Variants in DST observed in about 807,000 individuals in gnomAD.
DST encodes the protein dystonin.
Under a neutral mutation model 875.2 loss-of-function variants are expected in DST, and 253 were observed. That is an observed-to-expected ratio of 0.29 (90% CI 0.26 to 0.32). The LOEUF (loss-of-function observed/expected upper bound fraction) is 0.32, where lower values mean the gene tolerates loss of function less well. DST is among the 10% of genes least tolerant of loss of function. The probability of loss-of-function intolerance (pLI) is 1.00; values close to 1 mark genes in which losing one functional copy is unlikely to be tolerated. For synonymous variants in DST, 3,124 were observed against 3,197.1 expected (o/e 0.98, Z 0.77); for missense variants, 8,287 against 9,111.6 (o/e 0.91, Z 3.68).
chr6:56,794,377 T>C (rs1214368674), intron 4 of DST, among the ~76,000 whole-genome samples: 2 of 152,206 alleles, frequency 1.3e-5, no homozygotes, highest in Non-Finnish European at 2.9e-5. Context: ...AGTAATGGAA[T>C]CTGTGTTTAG....
chr6:56,801,747 A>AT lies in DST; in HGVS notation c.625+49649dup, dbSNP rs200681543. Reference sequence around the variant, plus strand: ...TCTTACTAATACAAGTCACACAATAATTTTTTTTTTTTTTTTTTTTGAGAT... The same window carrying AT: ...TCTTACTAATACAAGTCACACAATAATTTTTTTTTTTTTTTTTTTTTGAGAT... On this transcript the variant is annotated intron_variant, in intron 4 of 103. Transcript: ENST00000680361. Among the ~76,000 whole-genome samples the AT allele has an allele frequency of 5.9e-3, 779 of 132,366 alleles. 6 individuals carry two copies. The highest frequency in any genetic ancestry group is 9.3e-3 in the East Asian group (45 of 4,830). The allele number at this position is 132,366 out of a possible 152,430, so 86.8% of individuals were successfully genotyped here.
intron 4 of DST, among the ~76,000 whole-genome samples, chr6:56,774,255 T>TA (rs2099673420): frequency 1.3e-5 from 2 of 152,068 alleles, no homozygotes; most frequent in African/African-American, 2.4e-5. Flanking sequence ...GACCCAAACT[T>TA]ACCTCTCCAG....
chr6:56,926,155 A>G (rs1316765504), intron 2 of DST, among the ~76,000 whole-genome samples: 1 of 151,704 alleles, frequency 6.6e-6, no homozygotes, highest in Non-Finnish European at 1.5e-5. Context: ...AAACCTTTTT[A>G]GCATCTGGAA....
chr6:56,680,518 G>A (rs1317363920), intron 9 of DST, among the ~76,000 whole-genome samples: 2 of 152,142 alleles, frequency 1.3e-5, no homozygotes, highest in African/African-American at 4.8e-5. Context: ...AGAGCTCAAG[G>A]GTTGTTTTCC....
intron 4 of DST, among the ~76,000 whole-genome samples, chr6:56,751,571 TTAAA>T (rs2099587315): frequency 6.6e-6 from 1 of 152,134 alleles, no homozygotes; most frequent in Admixed American, 6.6e-5. Flanking sequence ...ACATACAGGG[TTAAA>T]GCTGCAATCC....
chr6:56,531,228 C>G (rs2096891034), intron 64 of DST, among the ~76,000 whole-genome samples: 1 of 152,188 alleles, frequency 6.6e-6, no homozygotes, highest in African/African-American at 2.4e-5. Flanking sequence ...ATTTCACTTA[C>G]TATGATTTAA....
chr6:56,666,780 C>T (rs569557118), intron 10 of DST, among the ~76,000 whole-genome samples: 1 of 148,996 alleles, frequency 6.7e-6, no homozygotes, highest in African/African-American at 2.5e-5. Context: ...CTGTCACCTA[C>T]CCTGGGGTGC....
rs111657428 is a variant in DST at position 56,607,507 on chromosome 6, C to T, written c.7121G>A (p.Arg2374Gln). The T allele has an allele frequency of 4.4e-6, 7 of 1,598,298 alleles. No individual in the cohort carries two copies. Among genetic ancestry groups the T allele is most frequent in the African/African-American group, 2.7e-5 (2 of 74,616 alleles). Residue 2374 changes from arginine (R) to glutamine (Q), a missense_variant, in exon 40 of 104, where the codon CGA (arginine) becomes CAA (glutamine). Arg to Gln is a conservative substitution (Grantham distance 43, BLOSUM62 1). Around this residue, in one of 10 missense-constraint regions of DST, gnomAD observed 3,138 missense variants for 3,116.6 expected, o/e 1.01. Transcript: ENST00000680361. ...NILTNYENQS[R>Q]VETNERANEC... is the part of the protein sequence containing the mutation. ...ATTTGCACGTTCATTTGTTTCCACT[C>T]GGCTTTGATTTTCATAGTTTGTAAG... is the stretch of plus-strand genomic sequence containing the variant.
At chr6:56,904,598 A>G (rs1795527315) in intron 2 of DST, among the ~76,000 whole-genome samples, 3 of 152,194 alleles carry the variant, frequency 2.0e-5, no homozygotes, top group South Asian at 4.1e-4. Flanking sequence ...GCTCACAGCT[A>G]TGATTACAAA....
At chr6:56,901,902 A>G (rs1794308912) in intron 2 of DST, among the ~76,000 whole-genome samples, 2 of 152,204 alleles carry the variant, frequency 1.3e-5, no homozygotes, top group Non-Finnish European at 2.9e-5. Context: ...GGAGAGCAGA[A>G]GGAGAAATCT....
chr6:56,669,473 G>A (rs976588758), intron 10 of DST, among the ~76,000 whole-genome samples: 2 of 151,798 alleles, frequency 1.3e-5, no homozygotes, highest in African/African-American at 4.8e-5. Context: ...GCATATGCCT[G>A]TAGTCCCAGC....
At chr6:56,484,389 G>T (rs1038950553) in intron 88 of DST, 1 of 150,928 alleles carries the variant, frequency 6.6e-6, no homozygotes, top group African/African-American at 2.4e-5. Context: ...CTCTCTTATG[G>T]GTATAATGAT....
chr6:56,592,933 AAC>A (rs1472088073), intron 48 of DST, among the ~76,000 whole-genome samples: 5 of 152,116 alleles, frequency 3.3e-5, no homozygotes, highest in African/African-American at 1.2e-4. Flanking sequence ...AAACAAGCAA[AAC>A]AGTCTTTTAT....
intron 4 of DST, among the ~76,000 whole-genome samples, chr6:56,849,957 A>G (rs1002160789): frequency 6.6e-5 from 10 of 152,150 alleles, no homozygotes; most frequent in Non-Finnish European, 1.5e-4. Context: ...TGCTGAGTCA[A>G]ACATCTGGTA....
At chr6:56,521,549 C>A (rs2096705212) in intron 69 of DST, among the ~76,000 whole-genome samples, 1 of 113,650 alleles carries the variant, frequency 8.8e-6, no homozygotes, top group Non-Finnish European at 1.7e-5. Context: ...AAAAGGAAAG[C>A]TGAAATCCAA....
At chr6:56,833,143 G>C (rs1336348773) in intron 4 of DST, among the ~76,000 whole-genome samples, 4 of 152,172 alleles carry the variant, frequency 2.6e-5, no homozygotes, top group Non-Finnish European at 5.9e-5. Flanking sequence ...TTCTAGCAAA[G>C]GCAGTCAATA....
At chr6:56,476,363 G>A (rs777065671) in intron 91 of DST, 26 bp from the exon 92 acceptor site, 3 of 1,514,210 alleles carry the variant, frequency 2.0e-6, no homozygotes, top group South Asian at 1.3e-5. Context: ...AAATTTCTCT[G>A]AATTTCCTCC....
intron 85 of DST, among the ~76,000 whole-genome samples, chr6:56,491,233 T>C (rs1167054234): frequency 2.0e-5 from 3 of 152,162 alleles, no homozygotes; most frequent in Non-Finnish European, 4.4e-5. Flanking sequence ...CTTCAAACAT[T>C]TGTACTGTTA....
intron 4 of DST, chr6:56,843,029 G>A: frequency 1.4e-6 from 2 of 1,426,140 alleles, no homozygotes; most frequent in Non-Finnish European, 1.9e-6. Flanking sequence ...GCCAAGCTCC[G>A]CAGCCCCAGG....
Sources: gnomAD v4.1 joint callset for allele counts (sites outside exome capture counted in the v4.1 genomes callset) on GRCh38, gnomAD v4.1.1 for gene constraint, gnomAD v4.1.1 regional missense constraint, MANE v1.5 for transcripts, NCBI Gene and HGNC (gene_info 2026-07-23, HGNC 2026-07-21) for gene names.